The following CAMK4 variants were observed in gnomAD, a reference collection of about 807,000 sequenced individuals.
CAMK4 encodes calcium/calmodulin-dependent protein kinase type IV.
Under a neutral mutation model 44.9 loss-of-function variants are expected in CAMK4, and 22 were observed. The ratio of observed to expected loss-of-function variants is 0.49; its 90% CI spans 0.35 to 0.70. The LOEUF is 0.70. CAMK4 is among the 30% of genes least tolerant of loss of function. The probability of loss-of-function intolerance (pLI) is 0.01; values close to 1 mark genes in which losing one functional copy is unlikely to be tolerated. For missense variants in CAMK4, 498 were observed against 586.8 expected (o/e 0.85, Z 1.56); for synonymous variants, 218 against 215.4 (o/e 1.01, Z -0.11).
At chr5:111,352,457 C>A (rs1158257535) in intron 2 of CAMK4, among the ~76,000 whole-genome samples, 2 of 151,892 alleles carry the variant, frequency 1.3e-5, no homozygotes, top group Non-Finnish European at 2.9e-5. Flanking sequence ...ATTAATAAGA[C>A]AATACTTTTT....
intron 1 of CAMK4, among the ~76,000 whole-genome samples, chr5:111,252,676 T>C (rs564170610): frequency 1.2e-4 from 19 of 152,332 alleles, no homozygotes; most frequent in African/African-American, 4.3e-4. Flanking sequence ...TTAATCATAA[T>C]GTAATGTTAA....
chr5:111,328,919 G>A (rs966715567), intron 1 of CAMK4, among the ~76,000 whole-genome samples: 7 of 151,878 alleles, frequency 4.6e-5, no homozygotes, highest in Admixed American at 1.3e-4. Context: ...GGGCTGAGAC[G>A]ATGGGGTTTT....
chr5:111,358,509 G>A (rs1473235269), intron 2 of CAMK4, among the ~76,000 whole-genome samples: 1 of 151,364 alleles, frequency 6.6e-6, no homozygotes, highest in African/African-American at 2.4e-5. Flanking sequence ...CACATTAGAT[G>A]GATGTTTTTC....
At chr5:111,446,626 T>A in intron 5 of CAMK4, 60 bp from the exon 6 acceptor site, 1 of 833,232 alleles carries the variant, frequency 1.2e-6, no homozygotes, top group Non-Finnish European at 2.0e-6. Context: ...AGATTAAGTA[T>A]AGACATTCGA....
intron 1 of CAMK4, among the ~76,000 whole-genome samples, chr5:111,342,951 G>A (rs1167781826): frequency 6.6e-6 from 1 of 151,428 alleles, no homozygotes; most frequent in Admixed American, 6.6e-5. Context: ...GAAACACAAT[G>A]CATTTTTAAT....
rs140085265 is a variant in CAMK4, at chr5:111,388,336, TTTC to T, written c.387-6371_387-6369del. Among the ~76,000 whole-genome samples the T allele has an allele frequency of 4.2e-3, 637 of 152,336 alleles. 6 individuals carry two copies. The highest frequency in any genetic ancestry group is 0.013 in the African/African-American group (560 of 41,566). Reference sequence around the variant, plus strand: ...TATGATAATGTTTTTTGTTTGTAACTTTCTTTACTCCACCATCTGTGGTCTCAT... The same window carrying T: ...TATGATAATGTTTTTTGTTTGTAACTTTTACTCCACCATCTGTGGTCTCAT... On this transcript the variant is annotated intron_variant, in intron 4 of 10. Transcript: ENST00000282356.
chr5:111,444,823 C>A (rs948389021), intron 5 of CAMK4, among the ~76,000 whole-genome samples: 1 of 152,076 alleles, frequency 6.6e-6, no homozygotes, highest in Non-Finnish European at 1.5e-5. Flanking sequence ...ATGTTATGAA[C>A]AGGAAATTCA....
intron 7 of CAMK4, among the ~76,000 whole-genome samples, chr5:111,457,629 C>G (rs1054623954): frequency 3.3e-5 from 5 of 152,136 alleles, no homozygotes; most frequent in African/African-American, 1.2e-4. Context: ...CTTAACAAAA[C>G]AGAAAGTTGG....
At chr5:111,442,878 T>C (rs1753877470) in intron 5 of CAMK4, among the ~76,000 whole-genome samples, 2 of 149,968 alleles carry the variant, frequency 1.3e-5, no homozygotes, top group Non-Finnish European at 3.0e-5. Flanking sequence ...TCAAAATTAA[T>C]AGGCATTTTA....
intron 7 of CAMK4, among the ~76,000 whole-genome samples, chr5:111,465,919 T>C (rs1293228302): frequency 6.6e-6 from 1 of 152,164 alleles, no homozygotes; most frequent in Non-Finnish European, 1.5e-5. Context: ...TAGATCAATA[T>C]TCCTGATGAA....
intron 5 of CAMK4, among the ~76,000 whole-genome samples, chr5:111,415,858 T>C (rs1352094335): frequency 1.3e-5 from 2 of 152,130 alleles, no homozygotes; most frequent in Non-Finnish European, 2.9e-5. Flanking sequence ...TAAAAAACAA[T>C]GCAGTATAAC....
At chr5:111,288,840 G>T (rs1751333836) in intron 1 of CAMK4, among the ~76,000 whole-genome samples, 1 of 152,192 alleles carries the variant, frequency 6.6e-6, no homozygotes, top group African/African-American at 2.4e-5. Context: ...AGATTACTCA[G>T]TCTCAGAAGA....
In CAMK4 at chr5:111,493,464, A is replaced by G. The variant is rs964575053; in HGVS notation, c.*8998A>G. 1 of 152,208 alleles carries G rather than the reference A, an allele frequency of 6.6e-6. No homozygotes were observed. The highest frequency in any genetic ancestry group is 2.4e-5 in the African/African-American group (1 of 41,462). 9.4% of individuals were successfully genotyped at this position (152,208 alleles called of 1,614,324 possible). A position where few individuals can be genotyped will look rare whatever the true frequency, so the allele number is the denominator to read the frequency against. On this transcript the variant is annotated 3_prime_UTR_variant, in exon 11 of 11. Coordinates refer to ENST00000282356, the MANE Select transcript of CAMK4 (RefSeq NM_001744.6). This position sits in a 1 kb window ranked among gnomAD's most constrained non-coding sequence, Gnocchi z 4.1. Reference sequence around the variant, plus strand: ...TAAAATGTTGCCAGTGGAGGACCGAATCAAGGTTATTGCTGACCTCATTTT... The same window carrying G: ...TAAAATGTTGCCAGTGGAGGACCGAGTCAAGGTTATTGCTGACCTCATTTT...
chr5:111,338,903 C>T lies in CAMK4; in HGVS notation c.162-5121C>T, dbSNP rs140408893. Among the ~76,000 whole-genome samples the T allele has an allele frequency of 2.9e-3, 445 of 151,444 alleles. 1 individual carries two copies. Among genetic ancestry groups the T allele is most frequent in the African/African-American group, 0.01 (421 of 41,424 alleles). On this transcript the variant is annotated intron_variant, in intron 1 of 10. Coordinates refer to ENST00000282356, the MANE Select transcript of CAMK4 (RefSeq NM_001744.6). ...TTTGAAGTCCAGTAATGTGATGCCT[C>T]CGGCTTTATTCTTTTTTGCTTTGGC...
At chr5:111,271,071 C>T (rs1388216488) in intron 1 of CAMK4, among the ~76,000 whole-genome samples, 2 of 152,134 alleles carry the variant, frequency 1.3e-5, no homozygotes, top group Admixed American at 1.3e-4. Flanking sequence ...ACAAGAACAG[C>T]ATGGGGGAAA....
At chr5:111,361,744 G>A (rs1169848044) in intron 2 of CAMK4, among the ~76,000 whole-genome samples, 4 of 151,996 alleles carry the variant, frequency 2.6e-5, no homozygotes, top group Non-Finnish European at 5.9e-5. Context: ...TTCAGAAAAG[G>A]TGAGAGAAGG....
rs138539321 is a variant in CAMK4 at position 111,421,592 on chromosome 5, C to T, written c.460-25094C>T. Among the ~76,000 whole-genome samples the T allele has an allele frequency of 9.5e-4, 144 of 152,252 alleles. 1 individual carries two copies. Among genetic ancestry groups the T allele is most frequent in the African/African-American group, 3.3e-3 (136 of 41,554 alleles). The stretch of plus-strand genomic sequence containing the variant: ...AACTTAATCTTTTTTCTCTCCATTT[C>T]TTAGTTAGCTGTATTTAGTCAAGTA... On this transcript the variant is annotated intron_variant, in intron 5 of 10. Coordinates refer to ENST00000282356, the MANE Select transcript of CAMK4 (RefSeq NM_001744.6).
Position 111,489,867 on chromosome 5 carries a change from G to A in CAMK4, c.*5401G>A, listed in dbSNP as rs1755755399. On this transcript the variant is annotated 3_prime_UTR_variant, in exon 11 of 11. Coordinates refer to ENST00000282356, the MANE Select transcript of CAMK4 (RefSeq NM_001744.6). ...ATGCCTTATCCCAGATCAGTGTTTT[G>A]TTCCATCCCTATGGTCATCTCTAAA... 6.6e-6 allele frequency: 1 copy of A among 152,142 alleles called. No homozygotes were observed. The highest frequency in any genetic ancestry group is 1.5e-5 in the Non-Finnish European group (1 of 68,034). The allele number at this position is 152,142 out of a possible 1,614,324, so 9.4% of individuals were successfully genotyped here.
chr5:111,340,653 G>A (rs1426400642), intron 1 of CAMK4, among the ~76,000 whole-genome samples: 3 of 150,968 alleles, frequency 2.0e-5, no homozygotes, highest in Admixed American at 6.6e-5. Context: ...TGTTCATCAG[G>A]GATATTTTCT....
Sources: gnomAD v4.1 joint callset for allele counts (sites outside exome capture counted in the v4.1 genomes callset) on GRCh38, gnomAD v4.1.1 for gene constraint, Gnocchi (gnomAD v3.1) non-coding constraint, MANE v1.5 for transcripts, NCBI Gene and HGNC (gene_info 2026-07-23, HGNC 2026-07-21) for gene names.